Variants in CDC14B observed in about 807,000 individuals in gnomAD.
CDC14B encodes the protein cell division cycle 14B, also known as dual specificity protein phosphatase CDC14B.
CDC14B carries 22 observed loss-of-function variants against 64.2 expected under a neutral mutation model. The ratio of observed to expected loss-of-function variants is 0.34; its 90% confidence interval spans 0.24 to 0.49. The LOEUF (loss-of-function observed/expected upper bound fraction) is 0.49, where lower values mean the gene tolerates loss of function less well. Ranked by LOEUF, CDC14B falls within the 20% of genes least tolerant of loss-of-function variation. The pLI is 0.99. For synonymous variants in CDC14B, 191 were observed against 215.8 expected, an observed-to-expected ratio of 0.89 and a Z score of 1.01; for missense variants, 498 against 629.9, an observed-to-expected ratio of 0.79 and a Z score of 2.24.
At chr9:96,528,096 C>T (rs1261829520) in intron 9 of CDC14B, among the ~76,000 whole-genome samples, 3 of 152,230 alleles carry the variant, frequency 2.0e-5, no homozygotes, top group African/African-American at 7.2e-5. Context: ...TGTGGCAGTA[C>T]ATGTGTCAGA....
At chr9:96,594,882 G>A in intron 1 of CDC14B, among the ~76,000 whole-genome samples, 1 of 152,126 alleles carries the variant, frequency 6.6e-6, no homozygotes, top group Non-Finnish European at 1.5e-5. Flanking sequence ...GCTGGGCGCG[G>A]TGGCTCACAC....
At chr9:96,530,001 C>T (rs1460774586) in intron 9 of CDC14B, among the ~76,000 whole-genome samples, 1 of 152,068 alleles carries the variant, frequency 6.6e-6, no homozygotes, top group Non-Finnish European at 1.5e-5. Context: ...ATTAAGTCAC[C>T]CAGTGCACAA....
At chr9:96,577,285 T>TA (rs539839741) in intron 1 of CDC14B, among the ~76,000 whole-genome samples, 2 of 149,062 alleles carry the variant, frequency 1.3e-5, no homozygotes, top group Admixed American at 6.7e-5. Flanking sequence ...GAAAAGATCA[T>TA]AAAAAAATCT....
chr9:96,580,815 G>A (rs146479269), intron 1 of CDC14B, among the ~76,000 whole-genome samples: 128 of 152,264 alleles, frequency 8.4e-4, no homozygotes, highest in African/African-American at 3.0e-3. Flanking sequence ...AGATCAATAT[G>A]TAATCTTTCC....
chr9:96,530,018 T>C (rs1838193213), intron 9 of CDC14B, among the ~76,000 whole-genome samples: 3 of 152,244 alleles, frequency 2.0e-5, no homozygotes, highest in Admixed American at 2.0e-4. Flanking sequence ...ACAAATGTGA[T>C]GTCATTACAT....
intron 1 of CDC14B, among the ~76,000 whole-genome samples, chr9:96,607,693 G>T (rs1847061329): frequency 6.6e-6 from 1 of 152,138 alleles, no homozygotes; most frequent in South Asian, 2.1e-4. Flanking sequence ...AAAGTGCTGG[G>T]ATTACAGGCG....
intron 1 of CDC14B, among the ~76,000 whole-genome samples, chr9:96,568,804 C>A (rs1844305256): frequency 6.6e-6 from 1 of 151,936 alleles, no homozygotes; most frequent in Non-Finnish European, 1.5e-5. Flanking sequence ...GTAATCCCAG[C>A]TACTTGGGAG....
At chr9:96,562,424 G>A (rs1359131614) in intron 4 of CDC14B, 1 of 388,450 alleles carries the variant, frequency 2.6e-6, no homozygotes, top group African/African-American at 2.0e-5. Flanking sequence ...TGCCAAAGTA[G>A]TTGGGCACTT....
chr9:96,520,659 T>A (rs1170503679), intron 12 of CDC14B, among the ~76,000 whole-genome samples: 4 of 152,216 alleles, frequency 2.6e-5, no homozygotes, highest in African/African-American at 9.6e-5. Context: ...TATTAAAACA[T>A]AAACTGATGA....
At chr9:96,566,449 CA>C (rs1843950578) in intron 1 of CDC14B, among the ~76,000 whole-genome samples, 1 of 151,976 alleles carries the variant, frequency 6.6e-6, no homozygotes, top group South Asian at 2.1e-4. Flanking sequence ...CTTGCAACCA[CA>C]AACACTCAAA....
At chr9:96,600,660 G>A (rs1846377006) in intron 1 of CDC14B, among the ~76,000 whole-genome samples, 1 of 151,996 alleles carries the variant, frequency 6.6e-6, no homozygotes, top group Non-Finnish European at 1.5e-5. Context: ...GCGCCACCAA[G>A]CCCGGCTAAT....
At chr9:96,491,767 A>G (rs992392912) in exon 14 of CDC14B, 6 of 152,268 alleles carry the variant, frequency 3.9e-5, no homozygotes, top group Non-Finnish European at 8.8e-5. Context: ...AAACACTGAC[A>G]GTTCCTATCC....
chr9:96,498,654 T>C (rs1833350441), downstream of CDC14B, among the ~76,000 whole-genome samples: 1 of 152,248 alleles, frequency 6.6e-6, no homozygotes, highest in Non-Finnish European at 1.5e-5. Flanking sequence ...CTATCAGTCA[T>C]TCTTTCCCCA....
chr9:96,554,733 A>G (rs1386096559), intron 4 of CDC14B, among the ~76,000 whole-genome samples: 2 of 152,226 alleles, frequency 1.3e-5, no homozygotes, highest in Admixed American at 1.3e-4. Flanking sequence ...TTGCCAATCT[A>G]TAACTTTTAC....
intron 1 of CDC14B, among the ~76,000 whole-genome samples, chr9:96,566,525 A>ATC (rs945788498): frequency 6.6e-6 from 1 of 152,196 alleles, no homozygotes; most frequent in African/African-American, 2.4e-5. Context: ...GAGCCCAAGG[A>ATC]TCTCGCTCCC....
intron 6 of CDC14B, among the ~76,000 whole-genome samples, chr9:96,539,721 C>T (rs1839777577): frequency 6.6e-6 from 1 of 152,192 alleles, no homozygotes; most frequent in South Asian, 2.1e-4. Flanking sequence ...GATATTCTTT[C>T]CATAGGAATA....
intron 13 of CDC14B, among the ~76,000 whole-genome samples, chr9:96,505,029 T>G (rs1315902334): frequency 6.6e-6 from 1 of 151,204 alleles, no homozygotes; most frequent in African/African-American, 2.4e-5. Context: ...CAGAAGAAAA[T>G]TTTTAGCCAG....
At chr9:96,493,205 T>TTC (rs781129846) in exon 14 of CDC14B, 5 of 152,338 alleles carry the variant, frequency 3.3e-5, no homozygotes, top group Admixed American at 6.5e-5. Flanking sequence ...GCCTGCCCTG[T>TTC]TCTCAGCAGC....
intron 1 of CDC14B, among the ~76,000 whole-genome samples, chr9:96,608,892 G>GACACACAC (rs59953256): frequency 1.4e-5 from 2 of 144,662 alleles, no homozygotes; most frequent in South Asian, 2.2e-4. Context: ...TTAAAACACA[G>GACACACAC]ACACACACAC....
Sources: allele counts gnomAD v4.1 joint callset (sites outside exome capture counted in the v4.1 genomes callset), GRCh38; gene constraint gnomAD v4.1.1; transcripts MANE v1.5; gene names NCBI Gene and HGNC (gene_info 2026-07-23, HGNC 2026-07-21).